Variants in ZNF394 observed in about 807,000 individuals in gnomAD.
ZNF394 encodes zinc finger protein 99.
Under a neutral mutation model 21.8 loss-of-function variants are expected in ZNF394, and 19 were observed. The ratio of observed to expected loss-of-function variants is 0.87; its 90% CI spans 0.61 to 1.28. The LOEUF is 1.28. ZNF394 is among the 50% of genes most tolerant of loss of function. ZNF394 has a pLI of 0.00. For synonymous variants in ZNF394, 294 were observed against 273.3 expected, an observed-to-expected ratio of 1.08 and a Z score of -0.75; for missense variants, 683 against 708.6, an observed-to-expected ratio of 0.96 and a Z score of 0.41.
intron 2 of ZNF394, among the ~76,000 whole-genome samples, chr7:99,497,202 C>G (rs1259989144): frequency 2.1e-5 from 3 of 144,598 alleles, no homozygotes; most frequent in Non-Finnish European, 4.5e-5. Context: ...GCTCTGTCAC[C>G]CAGGCTGGAG....
chr7:99,486,936 A>G (rs1338678593), exon 2 of ZNF394: 1 of 1,614,104 alleles, frequency 6.2e-7, no homozygotes, highest in Non-Finnish European at 8.5e-7. Context: ...GACAGCGGTC[A>G]GCTCTTACGG....
chr7:99,495,249 C>T (rs533848271), intron 2 of ZNF394, among the ~76,000 whole-genome samples: 110 of 152,164 alleles, frequency 7.2e-4, no homozygotes, highest in South Asian at 2.1e-3. Flanking sequence ...CCTCGTGATC[C>T]GCCTGCCTCG....
chr7:99,488,930 CAAA>C (rs1182283444), downstream of ZNF394, among the ~76,000 whole-genome samples: 3 of 51,366 alleles, frequency 5.8e-5, no homozygotes, highest in Admixed American at 2.3e-4. Flanking sequence ...GACTCCATCT[CAAA>C]AAAAAAAAAA....
chr7:99,490,885 C>G (rs1294733458), downstream of ZNF394, among the ~76,000 whole-genome samples: 1 of 151,988 alleles, frequency 6.6e-6, no homozygotes, highest in Non-Finnish European at 1.5e-5. Context: ...TAGGTGCTGT[C>G]CAGGCCAGAC....
At chr7:99,492,760 A>G (rs957372984), downstream of ZNF394, among the ~76,000 whole-genome samples, 2 of 151,060 alleles carry the variant, frequency 1.3e-5, no homozygotes, top group Non-Finnish European at 3.0e-5. Flanking sequence ...GGTTGAGACC[A>G]GCCTGGGCAA....
chr7:99,490,863 T>TA (rs1007516670), downstream of ZNF394, among the ~76,000 whole-genome samples: 1 of 151,900 alleles, frequency 6.6e-6, no homozygotes, highest in South Asian at 2.1e-4. Context: ...GCTTCAAACT[T>TA]AGAGGGAGGT....
rs1019252335 is a variant in ZNF394, at chr7:99,493,866, G to A, written c.1349C>T (p.Thr450Ile). ...KHFKCEECGETCHISNLFRHQ... is the reference protein window; with the variant it reads ...KHFKCEECGEICHISNLFRHQ... ...TCTAAAAAGGTTGGAAATATGACAG[G>A]TTTCCCCGCATTCCTCACATTTAAA... The change falls in exon 3 of 3, where the codon ACC (threonine) becomes ATC (isoleucine). Residue 450 changes from threonine to isoleucine, a missense_variant. By Grantham distance (89) the Thr-to-Ile change is moderately conservative. Transcript: ENST00000337673. 1.9e-6 allele frequency: 3 copies of A among 1,614,020 alleles called. No individual in the cohort carries two copies. Among genetic ancestry groups the A allele is most frequent in the Non-Finnish European group, 2.5e-6 (3 of 1,180,044 alleles).
chr7:99,486,695 A>G, exon 2 of ZNF394: 1 of 1,614,262 alleles, frequency 6.2e-7, no homozygotes, highest in Non-Finnish European at 8.5e-7. Flanking sequence ...AACCTTATTC[A>G]AGATCAGAAT....
rs1282502963 is a variant in ZNF394 at position 99,494,070 on chromosome 7, C to T, written c.1145G>A (p.Gly382Asp). ...TTCTTGGCAGCCATAGGGTTTCTCA[C>T]CTGTGTGGATTCTCTGGTGTCTAAA... is the stretch of plus-strand genomic sequence containing the variant. The part of the protein sequence containing the change: ...DLFRHQRIHT[G>D]EKPYGCQECG... Residue 382 changes from glycine to aspartate, a missense_variant, in exon 3 of 3, where the codon GGT (glycine) becomes GAT (aspartate). Transcript: ENST00000337673. 1.2e-6 allele frequency: 2 copies of T among 1,614,014 alleles called. No homozygotes were observed. The highest frequency in any genetic ancestry group is 1.7e-6 in the Non-Finnish European group (2 of 1,180,044).
At position 99,487,189 on chromosome 7, in the gene ZNF394, A is replaced by T. The variant is rs143052446; in HGVS notation, n.84-226T>A. 4.3e-6 allele frequency: 7 copies of T among 1,614,162 alleles called. No homozygotes were observed. The East Asian group carries it at 1.6e-4, about 36-fold the overall frequency. On this transcript the variant is annotated intron_variant and non_coding_transcript_variant, in intron 1 of 1. Transcript: ENST00000462024. The stretch of plus-strand genomic sequence containing the variant: ...TGGAAAAGCCTTTGGCCGGCATTCA[A>T]CCCTTCTATGTCATCAACAGATTCA...
chr7:99,499,475 C>T (rs1800447850), intron 1 of ZNF394, among the ~76,000 whole-genome samples, 163 bp downstream of exon 1: 1 of 152,044 alleles, frequency 6.6e-6, no homozygotes, highest in Non-Finnish European at 1.5e-5. Context: ...TATAACAAGT[C>T]ATTTCCTGGA....
intron 2 of ZNF394, among the ~76,000 whole-genome samples, chr7:99,495,762 A>C (rs1032149437): frequency 1.3e-5 from 2 of 151,888 alleles, no homozygotes; most frequent in Non-Finnish European, 1.5e-5. Flanking sequence ...CTGGGATTAC[A>C]GGCAACGTGC....
In ZNF394 at chr7:99,494,330, A is replaced by G; in HGVS notation, c.885T>C (p.Leu295=). 1 of 1,614,196 alleles carries G rather than the reference A, an allele frequency of 6.2e-7. No homozygotes were observed. The highest frequency in any genetic ancestry group is 8.5e-7 in the Non-Finnish European group (1 of 1,180,028). Residue 295 remains leucine, a synonymous_variant, in exon 3 of 3, where the codon CTT becomes CTC. Transcript: ENST00000337673. ...CTTTCGGGATGTGCTGACATAGAAC[A>G]AGGTTGGAACACCTGGCACTGTTCT... is the stretch of plus-strand genomic sequence containing the variant. ...ELQNSARCSN[L]VLCQHIPKAE... is the part of the protein sequence containing the mutation.
At chr7:99,497,690 C>T (rs1800380987) in intron 2 of ZNF394, among the ~76,000 whole-genome samples, 1 of 151,772 alleles carries the variant, frequency 6.6e-6, no homozygotes, top group Non-Finnish European at 1.5e-5. Flanking sequence ...ATGGTGAAAC[C>T]CCATCTCTAC....
Position 99,494,493 on chromosome 7 carries a change from T to C in ZNF394, c.722A>G (p.Asp241Gly). 2 of 1,613,920 alleles carry C rather than the reference T, an allele frequency of 1.2e-6. No individual in the cohort carries two copies. Among genetic ancestry groups the C allele is most frequent in the Non-Finnish European group, 1.7e-6 (2 of 1,180,028 alleles). The change falls in exon 3 of 3, where the codon GAC (aspartate) becomes GGC (glycine). Residue 241 changes from aspartate (D) to glycine (G), a missense_variant. Physicochemically the swap from Asp to Gly is moderately conservative, Grantham distance 94 (BLOSUM62 -1). Transcript: ENST00000337673. ...LFSKCGSTHE[D>G]RVEKQSGDPL... ...GTCTCCGGACTGCTTTTCCACCCTG[T>C]CCTCATGGGTACTGCCACACTTAGA...
intron 2 of ZNF394, among the ~76,000 whole-genome samples, chr7:99,495,937 T>G (rs1800293592): frequency 6.6e-6 from 1 of 151,548 alleles, no homozygotes; most frequent in Admixed American, 6.6e-5. Context: ...ATTTTATCTT[T>G]TTGAGACAGA....
Position 99,486,762 on chromosome 7 carries a change from A to G in ZNF394, n.285T>C, listed in dbSNP as rs1046017865. On this transcript the variant is annotated non_coding_transcript_exon_variant, in exon 2 of 2. Transcript: ENST00000462024. ...ATGAGGATGGCAAACCCTTCAATCA[A>G]AGATCTTTGCTTTTGGGGCATGAGC... is the stretch of plus-strand genomic sequence containing the variant. The G allele has an allele frequency of 3.1e-6, 5 of 1,614,248 alleles. No individual in the cohort carries two copies. The South Asian group carries it at 4.4e-5, about 14-fold the overall frequency.
At chr7:99,494,720 C>A in intron 2 of ZNF394, 89 bp from the exon 3 acceptor site, 1 of 1,438,884 alleles carries the variant, frequency 6.9e-7, no homozygotes, top group Non-Finnish European at 9.1e-7. Flanking sequence ...ACCCTCAAAC[C>A]CCTTTTACTT....
At chr7:99,499,556 G>T in intron 1 of ZNF394, 82 bp downstream of exon 1, 1 of 1,270,578 alleles carries the variant, frequency 7.9e-7, no homozygotes, top group Non-Finnish European at 1.1e-6. Context: ...ATGTAATAAG[G>T]AAGTAAGTTC....
Sources: allele counts gnomAD v4.1 joint callset (sites outside exome capture counted in the v4.1 genomes callset), GRCh38; gene constraint gnomAD v4.1.1; transcripts MANE v1.5; gene names NCBI Gene and HGNC (gene_info 2026-07-23, HGNC 2026-07-21).